PAFAH1B2: variants seen among roughly 807,000 people sequenced by gnomAD.
The protein encoded by PAFAH1B2 is platelet-activating factor acetylhydrolase IB subunit alpha2.
A neutral mutation model predicts 28.0 loss-of-function variants in PAFAH1B2; 8 were observed. The observed-to-expected ratio is 0.29, with a 90% CI of 0.17 to 0.52. PAFAH1B2 has a LOEUF of 0.52. Ranked by LOEUF, PAFAH1B2 falls within the 20% of genes least tolerant of loss-of-function variation. The pLI is 0.97. For synonymous variants in PAFAH1B2, 104 were observed against 103.2 expected, an observed-to-expected ratio of 1.01 and a Z score of -0.05; for missense variants, 190 against 282.6, an observed-to-expected ratio of 0.67 and a Z score of 2.35.
chr11:117,146,998 G>A (rs12417984), intron 1 of PAFAH1B2, among the ~76,000 whole-genome samples: 8,136 of 151,990 alleles, frequency 0.054, 255 homozygotes, highest in Middle Eastern at 0.1. Context: ...GCCGGGCGTG[G>A]TGGCTCACGC....
intron 2 of PAFAH1B2, among the ~76,000 whole-genome samples, chr11:117,153,629 G>A (rs543439992): frequency 6.6e-6 from 1 of 152,192 alleles, no homozygotes; most frequent in African/African-American, 2.4e-5. Context: ...GACCTCAAGT[G>A]ATCTGCCTGT....
chr11:117,152,031 G>GAAT (rs1956162508), intron 1 of PAFAH1B2, among the ~76,000 whole-genome samples: 1 of 152,166 alleles, frequency 6.6e-6, no homozygotes, highest in Non-Finnish European at 1.5e-5. Context: ...ACTCTTAACA[G>GAAT]TAGTAAGTGT....
chr11:117,155,606 C>T (rs189913758), intron 2 of PAFAH1B2, among the ~76,000 whole-genome samples: 50 of 152,208 alleles, frequency 3.3e-4, no homozygotes, highest in African/African-American at 1.2e-3. Flanking sequence ...AGCATATAGC[C>T]CTTTTGTTGA....
At position 117,149,874 on chromosome 11, in the gene PAFAH1B2, G is replaced by GC. The variant is rs1225588239; in HGVS notation, c.-7-2565dup. 2.0e-5 allele frequency among the ~76,000 whole-genome samples: 3 copies of GC among 152,144 alleles called. No individual in the cohort carries two copies. The East Asian group carries it at 5.8e-4, about 29-fold the overall frequency. On this transcript the variant is annotated intron_variant, in intron 1 of 5. Coordinates refer to ENST00000527958, the MANE Select transcript of PAFAH1B2 (RefSeq NM_002572.4). ...TACCCTAGGCTGGGCAGGATTCTAG[G>GC]CCGAGCTCAGGAGTTCGAGACCAGT... is the stretch of plus-strand genomic sequence containing the variant.
chr11:117,152,609 G>T, intron 2 of PAFAH1B2, 81 bp downstream of exon 2: 3 of 987,548 alleles, frequency 3.0e-6, no homozygotes, highest in Non-Finnish European at 4.9e-6. Context: ...TTTGAGACAA[G>T]GTCTCACTGT....
rs541543035 is a variant in PAFAH1B2 at position 117,169,423 on chromosome 11, T to A, written c.*1724T>A. 11 of 1,052,966 alleles carry A rather than the reference T, an allele frequency of 1.0e-5. No individual in the cohort carries two copies. In the South Asian group the frequency reaches 5.0e-4, roughly 48 times the overall value. 65.2% of individuals were successfully genotyped at this position (1,052,966 alleles called of 1,614,324 possible). On this transcript the variant is annotated 3_prime_UTR_variant, in exon 6 of 6. Coordinates refer to ENST00000527958, the MANE Select transcript of PAFAH1B2 (RefSeq NM_002572.4). ...TAACCCATCAAAATATGCTCTGCAGTGATTCCGCTTAATGTTTAAATTCAG... is the reference window on the plus strand; with the variant it reads ...TAACCCATCAAAATATGCTCTGCAGAGATTCCGCTTAATGTTTAAATTCAG...
chr11:117,159,806 A>T lies in PAFAH1B2; in HGVS notation c.82-128A>T. On this transcript the variant is annotated intron_variant, in intron 2 of 5. Transcript: ENST00000527958. ...GGATCTTGATATATTACCCAGGCTG[A>T]TCTCAAACTCCTGACCTCAAGTTAT... 4.6e-6 allele frequency: 3 copies of T among 648,226 alleles called. No homozygotes were observed. In the Admixed American group the frequency reaches 7.7e-5, roughly 17 times the overall value. 40.2% of individuals were successfully genotyped at this position (648,226 alleles called of 1,614,324 possible).
chr11:117,149,256 ATT>A (rs71037463), intron 1 of PAFAH1B2, among the ~76,000 whole-genome samples: 2 of 150,692 alleles, frequency 1.3e-5, no homozygotes, highest in South Asian at 4.2e-4. Context: ...AATTTCTTCA[ATT>A]TTTTTGTAGA....
chr11:117,154,130 A>G (rs1956213975), intron 2 of PAFAH1B2, among the ~76,000 whole-genome samples: 1 of 151,958 alleles, frequency 6.6e-6, no homozygotes. Flanking sequence ...AAAAAAAAGA[A>G]GTATACCACA....
At chr11:117,148,545 A>G (rs1018604345) in intron 1 of PAFAH1B2, among the ~76,000 whole-genome samples, 13 of 152,182 alleles carry the variant, frequency 8.5e-5, no homozygotes, top group African/African-American at 2.9e-4. Flanking sequence ...AGGGTCTGGT[A>G]AATAGTAAGT....
rs1215217407 is a variant in PAFAH1B2, at chr11:117,156,940, C to G, written c.82-2994C>G. ...CACGTAAGCCCTCCCCAGCCTGAGCCTGGGAGGTTGGGGCTGCAGTGAGCT... is the reference window on the plus strand; with the variant it reads ...CACGTAAGCCCTCCCCAGCCTGAGCGTGGGAGGTTGGGGCTGCAGTGAGCT... On this transcript the variant is annotated intron_variant, in intron 2 of 5. Transcript: ENST00000527958. Among the ~76,000 whole-genome samples, 5 of 151,452 alleles carry G rather than the reference C, an allele frequency of 3.3e-5. No individual in the cohort carries two copies. The South Asian group carries it at 8.3e-4, about 25-fold the overall frequency.
chr11:117,153,472 C>A (rs1565263512), intron 2 of PAFAH1B2, among the ~76,000 whole-genome samples: 1 of 152,104 alleles, frequency 6.6e-6, no homozygotes, highest in African/African-American at 2.4e-5. Context: ...GCCTCCACCC[C>A]CCTGCCACCC....
downstream of PAFAH1B2, among the ~76,000 whole-genome samples, chr11:117,172,293 T>C (rs1359538048): frequency 4.8e-5 from 7 of 144,968 alleles, no homozygotes; most frequent in Non-Finnish European, 7.6e-5. Flanking sequence ...ACATATAATA[T>C]TTGTGGCCTG....
Position 117,152,340 on chromosome 11 carries a change from T to G in PAFAH1B2, c.-7-101T>G, listed in dbSNP as rs991605028. ...CCCAATTGTTTCTAGGCAAACCACA[T>G]AAAACTTTAATTATTATTTAAAGCC... On this transcript the variant is annotated intron_variant, in intron 1 of 5. Coordinates refer to ENST00000527958, the MANE Select transcript of PAFAH1B2 (RefSeq NM_002572.4). 110 of 699,656 alleles carry G rather than the reference T, an allele frequency of 1.6e-4. 2 individuals carry two copies. The highest frequency in any genetic ancestry group is 1.1e-3 in the South Asian group (65 of 57,658). The allele number at this position is 699,656 out of a possible 1,614,324, so 43.3% of individuals were successfully genotyped here.
chr11:117,171,696 C>A, downstream of PAFAH1B2: 1 of 1,535,582 alleles, frequency 6.5e-7, no homozygotes, highest in Non-Finnish European at 8.7e-7. Context: ...ACTGGTCGAT[C>A]GGGACCTATC....
Position 117,144,433 on chromosome 11 carries a change from G to A in PAFAH1B2, c.-8+15G>A. 6.4e-6 allele frequency: 2 copies of A among 312,944 alleles called. No homozygotes were observed. The highest frequency in any genetic ancestry group is 1.4e-5 in the Non-Finnish European group (2 of 145,730). 19.4% of individuals were successfully genotyped at this position (312,944 alleles called of 1,614,324 possible). ...CCTCTACTTCAGTGAGTGCATCCAG[G>A]GTCGCAGGGAACCGGTGGCTTAGAG... On this transcript the variant is annotated intron_variant, in intron 1 of 5. Transcript: ENST00000527958.
At position 117,167,930 on chromosome 11, in the gene PAFAH1B2, C is replaced by T. The variant is rs2134217092; in HGVS notation, c.*231C>T. The T allele has an allele frequency of 8.7e-7, 1 of 1,155,984 alleles. No homozygotes were observed. The highest frequency in any genetic ancestry group is 1.1e-6 in the Non-Finnish European group (1 of 939,204). The allele number at this position is 1,155,984 out of a possible 1,614,324, so 71.6% of individuals were successfully genotyped here. A position where few individuals can be genotyped will look rare whatever the true frequency, so the allele number is the denominator to read the frequency against. On this transcript the variant is annotated 3_prime_UTR_variant, in exon 6 of 6. Transcript: ENST00000527958. ...GATTGTTGTTTAAATTCATTTGAAA[C>T]CAGAAGGGGACTTTTTAGTTGTATG...
In PAFAH1B2 at chr11:117,169,761, T is replaced by C. The variant is rs895360955; in HGVS notation, c.*2062T>C. 6 of 1,057,180 alleles carry C rather than the reference T, an allele frequency of 5.7e-6. No homozygotes were observed. The highest frequency in any genetic ancestry group is 6.9e-6 in the Non-Finnish European group (6 of 874,350). 65.5% of individuals were successfully genotyped at this position (1,057,180 alleles called of 1,614,324 possible). ...AGAGATTTTTTTCTTAGCTGAGGTA[T>C]AGTTGTATAGCAAGAAGAATTAAGC... On this transcript the variant is annotated 3_prime_UTR_variant, in exon 6 of 6. Coordinates refer to ENST00000527958, the MANE Select transcript of PAFAH1B2 (RefSeq NM_002572.4).
At chr11:117,145,491 T>G (rs775148105) in intron 1 of PAFAH1B2, among the ~76,000 whole-genome samples, 4 of 152,214 alleles carry the variant, frequency 2.6e-5, no homozygotes, top group African/African-American at 9.7e-5. Flanking sequence ...AGTGCTTAAT[T>G]AAGATTGTCT....
Sources: gnomAD v4.1 joint callset for allele counts (sites outside exome capture counted in the v4.1 genomes callset) on GRCh38, gnomAD v4.1.1 for gene constraint, MANE v1.5 for transcripts, NCBI Gene and HGNC (gene_info 2026-07-23, HGNC 2026-07-21) for gene names.